The following ABCA12 variants were observed in gnomAD, a reference collection of about 807,000 sequenced individuals.
ABCA12 encodes glucosylceramide transporter ABCA12.
A neutral mutation model predicts 293.5 loss-of-function variants in ABCA12; 156 were observed. That is an observed-to-expected ratio of 0.53 (90% CI 0.47 to 0.61). The LOEUF is 0.61. Among genes scored for constraint, ABCA12 ranks in the 20% least tolerant of loss-of-function variants. The probability of loss-of-function intolerance (pLI) is 0.00; values close to 1 mark genes in which losing one functional copy is unlikely to be tolerated. For synonymous variants in ABCA12, 1,063 were observed against 1,108.0 expected (o/e 0.96, Z 0.81); for missense variants, 2,797 against 3,090.2 (o/e 0.91, Z 2.25).
At chr2:215,122,062 G>A (rs530714660) in intron 1 of ABCA12, among the ~76,000 whole-genome samples, 93 of 152,128 alleles carry the variant, frequency 6.1e-4, no homozygotes, top group Non-Finnish European at 9.7e-4. Context: ...TGTGAAATCC[G>A]TACTTATAGA....
intron 38 of ABCA12, among the ~76,000 whole-genome samples, chr2:214,967,802 A>C (rs1228989027): frequency 6.6e-6 from 1 of 152,160 alleles, no homozygotes; most frequent in Non-Finnish European, 1.5e-5. Context: ...TTGGCACATA[A>C]TCATCATGAA....
intron 2 of ABCA12, among the ~76,000 whole-genome samples, chr2:215,102,396 C>CCT (rs1702377632): frequency 6.6e-6 from 1 of 152,040 alleles, no homozygotes; most frequent in African/African-American, 2.4e-5. Flanking sequence ...GTCAGGAGTT[C>CCT]GAAACCAGCC....
At chr2:214,972,470 G>A (rs1315699437) in intron 36 of ABCA12, among the ~76,000 whole-genome samples, 1 of 151,052 alleles carries the variant, frequency 6.6e-6, no homozygotes, top group Admixed American at 6.6e-5. Context: ...GTGCTATGGT[G>A]CAATCACAGC....
At chr2:215,112,403 A>G (rs1348392330) in intron 1 of ABCA12, among the ~76,000 whole-genome samples, 1 of 136,510 alleles carries the variant, frequency 7.3e-6, no homozygotes, top group Non-Finnish European at 1.5e-5. Flanking sequence ...GCAGTGTCTT[A>G]TTGATACCTA....
chr2:214,948,911 C>G, intron 46 of ABCA12, 129 bp downstream of exon 46: 1 of 1,138,006 alleles, frequency 8.8e-7, no homozygotes, highest in Non-Finnish European at 1.3e-6. Flanking sequence ...TTTCCACCCA[C>G]CTTAATAGCT....
intron 2 of ABCA12, among the ~76,000 whole-genome samples, chr2:215,095,210 C>A (rs13383750): frequency 0.018 from 2,779 of 152,064 alleles, 104 homozygotes; most frequent in African/African-American, 0.064. Flanking sequence ...TCAATCTGGC[C>A]TAGTATATAA....
At chr2:214,950,825 GT>G in intron 45 of ABCA12, 53 bp downstream of exon 45, 1 of 1,572,434 alleles carries the variant, frequency 6.4e-7, no homozygotes, top group South Asian at 1.1e-5. Flanking sequence ...ATTTTAATTT[GT>G]CACATAGTAT....
rs979302149 is a variant in ABCA12 at position 214,932,228 on chromosome 2, C to A, written c.*406G>T. On this transcript the variant is annotated 3_prime_UTR_variant, in exon 53 of 53. Transcript: ENST00000272895. ...GTTTTCTGGAAATAAATTATGTTGT[C>A]TGCTTGCCCGGTGGCACCTGCCACA... The A allele has an allele frequency of 1.2e-5, 3 of 243,816 alleles. No individual in the cohort carries two copies. Among genetic ancestry groups the A allele is most frequent in the Admixed American group, 5.2e-5 (1 of 19,134 alleles). 15.1% of individuals were successfully genotyped at this position (243,816 alleles called of 1,614,324 possible).
Position 214,966,890 on chromosome 2 carries a change from G to A in ABCA12, c.5842C>T (p.Leu1948Phe), listed in dbSNP as rs1191187529. ...PAYLNSLNNF[L>F]LRVNMSKYDA... The stretch of plus-strand genomic sequence containing the variant: ...TATTTTGACATGTTAACTCGCAGAA[G>A]GAAATTATTCAGGCTGTTGAGGTAA... The change falls in exon 39 of 53, where the codon CTT becomes TTT. Residue 1948 changes from leucine to phenylalanine, a missense_variant. Around this residue, in one of 3 missense-constraint regions of ABCA12, gnomAD observed 2,130 missense variants for 2,427.0 expected, o/e 0.88. Coordinates refer to ENST00000272895, the MANE Select transcript of ABCA12 (RefSeq NM_173076.3). The A allele has an allele frequency of 1.9e-6, 3 of 1,613,742 alleles. No homozygotes were observed. The highest frequency in any genetic ancestry group is 4.5e-5 in the East Asian group (2 of 44,874).
At chr2:215,009,839 TA>T (rs1700333435) in intron 18 of ABCA12, among the ~76,000 whole-genome samples, 1 of 152,220 alleles carries the variant, frequency 6.6e-6, no homozygotes. Flanking sequence ...AAGTAAATGG[TA>T]AGTATAGTTA....
chr2:215,041,227 T>C (rs1701093696), intron 7 of ABCA12, among the ~76,000 whole-genome samples: 1 of 152,124 alleles, frequency 6.6e-6, no homozygotes, highest in South Asian at 2.1e-4. Context: ...ACTGCTGAAT[T>C]AAAGAAAATT....
intron 1 of ABCA12, among the ~76,000 whole-genome samples, chr2:215,133,149 A>ATTTTTTTTTTT (rs55641331): frequency 2.9e-5 from 1 of 34,882 alleles, no homozygotes; most frequent in Non-Finnish European, 7.1e-5. Flanking sequence ...GCTGGCTTTA[A>ATTTTTTTTTTT]TTTTTTTTTT....
At chr2:215,021,049 C>T (rs1464899923) in intron 11 of ABCA12, among the ~76,000 whole-genome samples, 7 of 152,214 alleles carry the variant, frequency 4.6e-5, no homozygotes, top group Admixed American at 3.9e-4. Context: ...CAGGGTTTCA[C>T]CTTGTTGCCC....
At chr2:214,989,675 C>G in intron 24 of ABCA12, 54 bp from the exon 25 acceptor site, 1 of 1,580,296 alleles carries the variant, frequency 6.3e-7, no homozygotes. Flanking sequence ...TGTATTTCAC[C>G]CAGAGGTATC....
chr2:215,014,195 G>A (rs1409641212), intron 15 of ABCA12, among the ~76,000 whole-genome samples: 2 of 150,212 alleles, frequency 1.3e-5, no homozygotes, highest in East Asian at 3.9e-4. Context: ...AAAAAAAAAG[G>A]TTTAAAAATG....
intron 18 of ABCA12, among the ~76,000 whole-genome samples, chr2:215,008,295 C>A (rs1700297537): frequency 6.6e-6 from 1 of 152,028 alleles, no homozygotes; most frequent in Non-Finnish European, 1.5e-5. Flanking sequence ...TATCCTTCAA[C>A]CCCTCAATTC....
intron 3 of ABCA12, among the ~76,000 whole-genome samples, chr2:215,055,567 C>G (rs940568012): frequency 1.3e-5 from 2 of 151,868 alleles, no homozygotes; most frequent in Non-Finnish European, 2.9e-5. Flanking sequence ...TTTATAAAAA[C>G]CTTAAGGTAC....
rs530377241 is a variant in ABCA12 at position 215,016,427 on chromosome 2, C to CA, written c.1783-765dup. Reference sequence around the variant, plus strand: ...TGAAACCCCGTCTCTACTAAAAATACAAAAAATTAGCCGGGCGTGGTGGCG... The same window carrying CA: ...TGAAACCCCGTCTCTACTAAAAATACAAAAAAATTAGCCGGGCGTGGTGGCG... On this transcript the variant is annotated intron_variant, in intron 14 of 52. Transcript: ENST00000272895. 4.4e-3 allele frequency among the ~76,000 whole-genome samples: 662 copies of CA among 150,096 alleles called. 5 individuals are homozygous for CA. The highest frequency in any genetic ancestry group is 0.016 in the African/African-American group (637 of 40,976).
chr2:215,025,416 C>A, intron 11 of ABCA12: 1 of 423,928 alleles, frequency 2.4e-6, no homozygotes, highest in Non-Finnish European at 4.2e-6. Flanking sequence ...CCACCTCGGC[C>A]TCCTGAGTAG....
Sources: gnomAD v4.1 joint callset for allele counts (sites outside exome capture counted in the v4.1 genomes callset) on GRCh38, gnomAD v4.1.1 for gene constraint, gnomAD v4.1.1 regional missense constraint, MANE v1.5 for transcripts, NCBI Gene and HGNC (gene_info 2026-07-23, HGNC 2026-07-21) for gene names.